The following ADAMTSL1 variants were observed in gnomAD, a reference collection of about 807,000 sequenced individuals.
ADAMTSL1 encodes ADAMTS-like protein 1.
ADAMTSL1 carries 126 observed loss-of-function variants against 201.8 expected under a neutral mutation model. The observed-to-expected ratio is 0.62, with a 90% CI of 0.54 to 0.72. ADAMTSL1 has a LOEUF of 0.72. ADAMTSL1 is among the 30% of genes least tolerant of loss of function. The pLI, the probability that ADAMTSL1 is intolerant of heterozygous loss-of-function variation, is 0.00. For missense variants in ADAMTSL1, 2,679 were observed against 2,277.8 expected (o/e 1.18, Z -3.59); for synonymous variants, 1,121 against 903.4 (o/e 1.24, Z -4.32).
At chr9:18,556,425 T>G (rs1230993033) in intron 3 of ADAMTSL1, among the ~76,000 whole-genome samples, 6 of 151,986 alleles carry the variant, frequency 3.9e-5, no homozygotes, top group Admixed American at 3.3e-4. Context: ...CAAATCTTAC[T>G]CTAGATGACT....
At chr9:18,422,521 T>G (rs566524814) in intron 2 of ADAMTSL1, among the ~76,000 whole-genome samples, 11 of 152,276 alleles carry the variant, frequency 7.2e-5, no homozygotes, top group African/African-American at 2.4e-4. Context: ...CTGAGCCTCG[T>G]TGTTCACCCA....
At chr9:18,308,978 T>C (rs1834013974) in intron 2 of ADAMTSL1, among the ~76,000 whole-genome samples, 2 of 152,146 alleles carry the variant, frequency 1.3e-5, no homozygotes, top group African/African-American at 4.8e-5. Flanking sequence ...ATCAAAAAGC[T>C]TATCCACCAT....
chr9:18,001,062 G>T (rs1586877769), intron 1 of ADAMTSL1, among the ~76,000 whole-genome samples: 1 of 152,054 alleles, frequency 6.6e-6, no homozygotes, highest in East Asian at 1.9e-4. Flanking sequence ...GCTATTGCCA[G>T]GAAAAAATGA....
intron 2 of ADAMTSL1, among the ~76,000 whole-genome samples, chr9:18,520,593 A>G (rs10963624): frequency 0.17 from 26,255 of 152,144 alleles, 2,900 homozygotes; most frequent in East Asian, 0.54. Flanking sequence ...TTTAAGGCTG[A>G]CTTTTCTTTT....
At chr9:18,009,334 C>T (rs150638908) in intron 1 of ADAMTSL1, among the ~76,000 whole-genome samples, 38 of 152,126 alleles carry the variant, frequency 2.5e-4, no homozygotes, top group Middle Eastern at 3.4e-3. Context: ...ATTCTCTGGT[C>T]TTTATGTAAA....
At position 18,714,592 on chromosome 9, in the gene ADAMTSL1, T is replaced by C. The variant is rs568473469; in HGVS notation, c.1877-6944T>C. The stretch of plus-strand genomic sequence containing the variant: ...ATAGACCAATAACAGGATCTGAAAT[T>C]GTGGCAATAATCAATAGCTTACCAA... On this transcript the variant is annotated intron_variant, in intron 14 of 28. Coordinates refer to ENST00000380548, the MANE Select transcript of ADAMTSL1 (RefSeq NM_001040272.6). 3.3e-3 allele frequency among the ~76,000 whole-genome samples: 475 copies of C among 143,306 alleles called. 4 individuals are homozygous for C. Among genetic ancestry groups the C allele is most frequent in the African/African-American group, 0.011 (450 of 40,318 alleles). The allele number at this position is 143,306 out of a possible 152,430, so 94.0% of individuals were successfully genotyped here. A position where few individuals can be genotyped will look rare whatever the true frequency, so the allele number is the denominator to read the frequency against.
intron 2 of ADAMTSL1, among the ~76,000 whole-genome samples, chr9:18,308,487 A>G (rs1188039365): frequency 6.6e-6 from 1 of 152,094 alleles, no homozygotes; most frequent in Non-Finnish European, 1.5e-5. Flanking sequence ...TAGACACCAT[A>G]AAAAATGATA....
In ADAMTSL1 at chr9:18,887,899, G is replaced by A. The variant is rs1296154382; in HGVS notation, c.4318G>A (p.Ala1440Thr). ...TCATGGTGGTCAGCCAATTGTCACTGCCACAGGACTGACGCATCACATCTT... is the reference window on the plus strand; with the variant it reads ...TCATGGTGGTCAGCCAATTGTCACTACCACAGGACTGACGCATCACATCTT... ...WFHGGQPIVT[A>T]TGLTHHILAA... is the part of the protein sequence containing the mutation. Residue 1440 changes from alanine to threonine, a missense_variant, in exon 24 of 29, where the codon GCC becomes ACC. Transcript: ENST00000380548. 2 of 1,613,840 alleles carry A rather than the reference G, an allele frequency of 1.2e-6. No homozygotes were observed. Among genetic ancestry groups the A allele is most frequent in the Non-Finnish European group, 1.7e-6 (2 of 1,179,892 alleles).
intron 2 of ADAMTSL1, among the ~76,000 whole-genome samples, chr9:18,267,661 TTCCCAAC>T (rs1177377202): frequency 6.6e-6 from 1 of 151,714 alleles, no homozygotes; most frequent in Non-Finnish European, 1.5e-5. Flanking sequence ...AATAACTCAG[TTCCCAAC>T]TCACCTTTAA....
Position 18,706,924 on chromosome 9 carries a change from C to T in ADAMTSL1, c.1752C>T (p.Ser584=), listed in dbSNP as rs561009276. The change falls in exon 14 of 29, where the codon AGC becomes AGT. Residue 584 remains serine, a synonymous_variant. Transcript: ENST00000380548. ...SQRACYAGPC[S]GEIPEFNPDE... ...GTGCCTGTTATGCAGGCCCATGCAG[C>T]GGGGAAATTCCTGAGTTCAACCCAG... The T allele has an allele frequency of 5.6e-6, 9 of 1,613,946 alleles. No homozygotes were observed. Among genetic ancestry groups the T allele is most frequent in the South Asian group, 4.4e-5 (4 of 91,076 alleles).
At chr9:18,471,688 A>G (rs911670458), upstream of ADAMTSL1, among the ~76,000 whole-genome samples, 2 of 152,228 alleles carry the variant, frequency 1.3e-5, no homozygotes, top group African/African-American at 4.8e-5. Flanking sequence ...AAGAGGAAAG[A>G]AAATGCTGTG....
intron 2 of ADAMTSL1, among the ~76,000 whole-genome samples, chr9:18,195,440 A>T (rs1179933613): frequency 1.3e-5 from 2 of 152,106 alleles, no homozygotes; most frequent in African/African-American, 4.8e-5. Flanking sequence ...TATCTTTCTT[A>T]TGAGGAGCTA....
At chr9:18,265,412 A>G (rs1331723285) in intron 2 of ADAMTSL1, among the ~76,000 whole-genome samples, 2 of 152,058 alleles carry the variant, frequency 1.3e-5, no homozygotes, top group African/African-American at 4.8e-5. Flanking sequence ...TTGAATACTT[A>G]TTACTAGCCT....
intron 15 of ADAMTSL1, chr9:18,724,016 C>T (rs118019913): frequency 1.3e-5 from 2 of 152,330 alleles, no homozygotes; most frequent in Non-Finnish European, 2.9e-5. Flanking sequence ...CATGGTTCAG[C>T]GTTCCCTGTA....
intron 1 of ADAMTSL1, among the ~76,000 whole-genome samples, chr9:18,028,342 T>G (rs908683920): frequency 1.3e-5 from 2 of 152,110 alleles, no homozygotes; most frequent in Non-Finnish European, 2.9e-5. Context: ...GTAAGGCTGG[T>G]GTAGTGGAAA....
chr9:18,700,197 A>G (rs1026645936), intron 13 of ADAMTSL1, among the ~76,000 whole-genome samples: 4 of 152,242 alleles, frequency 2.6e-5, no homozygotes, highest in African/African-American at 9.6e-5. Context: ...CCTTAATATT[A>G]TAGATTTTAC....
At chr9:18,108,195 A>G (rs896756816) in intron 1 of ADAMTSL1, among the ~76,000 whole-genome samples, 1 of 133,302 alleles carries the variant, frequency 7.5e-6, no homozygotes, top group Non-Finnish European at 1.5e-5. Flanking sequence ...AAGAGTGTGG[A>G]ATTTTTTTTT....
intron 2 of ADAMTSL1, among the ~76,000 whole-genome samples, chr9:18,425,859 GAAAAAAAAAA>G (rs71304881): frequency 1.1e-5 from 1 of 94,618 alleles, no homozygotes; most frequent in Admixed American, 1.3e-4. Flanking sequence ...CCTGTCTCAA[GAAAAAAAAAA>G]AAAAAAAAAG....
In ADAMTSL1 at chr9:18,135,691, G is replaced by A. The variant is rs985838410; in HGVS notation, c.88-28171G>A. On this transcript the variant is annotated intron_variant, in intron 1 of 29. Transcript: ENST00000680146. ...AGGCATGTGTGTATACCATATGCATGTATATCACATGTATATCTATCATAT... is the reference window on the plus strand; with the variant it reads ...AGGCATGTGTGTATACCATATGCATATATATCACATGTATATCTATCATAT... 7.2e-5 allele frequency among the ~76,000 whole-genome samples: 11 copies of A among 152,118 alleles called. No homozygotes were observed. The South Asian group carries it at 8.3e-4, about 11-fold the overall frequency.
Sources: gnomAD v4.1 joint callset for allele counts (sites outside exome capture counted in the v4.1 genomes callset) on GRCh38, gnomAD v4.1.1 for gene constraint, MANE v1.5 for transcripts, NCBI Gene and HGNC (gene_info 2026-07-23, HGNC 2026-07-21) for gene names.